Variants in RFX3 observed in about 807,000 individuals in gnomAD.
The protein encoded by RFX3 is regulatory factor X3.
A neutral mutation model predicts 98.6 loss-of-function variants in RFX3; 14 were observed. The observed-to-expected ratio is 0.14, with a 90% CI of 0.09 to 0.22. RFX3 has a LOEUF of 0.22. Among genes scored for constraint, RFX3 ranks in the 10% least tolerant of loss-of-function variants. The pLI is 1.00. For missense variants in RFX3, 639 were observed against 926.9 expected (o/e 0.69, Z 4.03); for synonymous variants, 383 against 328.4 (o/e 1.17, Z -1.80).
chr9:3,378,624 T>C (rs1838824556), intron 2 of RFX3, among the ~76,000 whole-genome samples: 1 of 150,588 alleles, frequency 6.6e-6, no homozygotes, highest in Non-Finnish European at 1.5e-5. Context: ...TGGTGCAATC[T>C]TGGCTCACTG....
intron 1 of RFX3, among the ~76,000 whole-genome samples, chr9:3,448,445 T>C (rs1846248887): frequency 6.6e-6 from 1 of 152,184 alleles, no homozygotes; most frequent in African/African-American, 2.4e-5. Flanking sequence ...TGTATCACCA[T>C]GAGTCCTCTG....
chr9:3,325,163 G>A (rs1831770467), intron 4 of RFX3, among the ~76,000 whole-genome samples: 1 of 152,034 alleles, frequency 6.6e-6, no homozygotes, highest in Non-Finnish European at 1.5e-5. Context: ...CATTGGTAAC[G>A]TAGCAGCAAA....
At chr9:3,309,906 G>C (rs1020445677) in intron 4 of RFX3, among the ~76,000 whole-genome samples, 2 of 152,174 alleles carry the variant, frequency 1.3e-5, no homozygotes, top group Non-Finnish European at 2.9e-5. Flanking sequence ...ATTTAGAGGA[G>C]ACGGAATGAT....
chr9:3,471,590 T>C (rs780479122), intron 1 of RFX3, among the ~76,000 whole-genome samples: 2 of 152,246 alleles, frequency 1.3e-5, no homozygotes, highest in Non-Finnish European at 2.9e-5. Flanking sequence ...ATGTGTGGCA[T>C]AATCACTTAT....
intron 1 of RFX3, among the ~76,000 whole-genome samples, chr9:3,441,122 A>C (rs1216219425): frequency 6.6e-6 from 1 of 152,208 alleles, no homozygotes; most frequent in Non-Finnish European, 1.5e-5. Context: ...AAGCTGCTTT[A>C]TATGTATACT....
chr9:3,396,914 G>C (rs146983728), intron 1 of RFX3, among the ~76,000 whole-genome samples: 1 of 152,120 alleles, frequency 6.6e-6, no homozygotes, highest in Admixed American at 6.5e-5. Flanking sequence ...ATATCCAAAA[G>C]CCAACTGATA....
chr9:3,339,889 T>C (rs913544105), intron 3 of RFX3, among the ~76,000 whole-genome samples: 1 of 152,006 alleles, frequency 6.6e-6, no homozygotes, highest in Non-Finnish European at 1.5e-5. Context: ...CTTCACAGAA[T>C]TGGAAAAAAC....
In RFX3 at chr9:3,239,433, C is replaced by T. The variant is rs1034943186; in HGVS notation, c.1968+8599G>A. On this transcript the variant is annotated intron_variant, in intron 15 of 16. Transcript: ENST00000617270. Reference sequence around the variant, plus strand: ...AATCCTGCCCGCAGTGGCTGTTGGTCTTGCTGTTGTGGGCTAGACAGCTAT... The same window carrying T: ...AATCCTGCCCGCAGTGGCTGTTGGTTTTGCTGTTGTGGGCTAGACAGCTAT... Among the ~76,000 whole-genome samples, 5 of 152,334 alleles carry T rather than the reference C, an allele frequency of 3.3e-5. No individual in the cohort carries two copies. The South Asian group carries it at 6.2e-4, about 19-fold the overall frequency.
At chr9:3,320,516 C>T (rs1337824696) in intron 4 of RFX3, among the ~76,000 whole-genome samples, 1 of 150,586 alleles carries the variant, frequency 6.6e-6, no homozygotes, top group African/African-American at 2.4e-5. Flanking sequence ...CAAACCACCG[C>T]GTTCCAGCCT....
At chr9:3,486,439 C>T (rs555318643) in intron 1 of RFX3, among the ~76,000 whole-genome samples, 1 of 152,240 alleles carries the variant, frequency 6.6e-6, no homozygotes, top group South Asian at 2.1e-4. Context: ...ATTTTAAGTT[C>T]TTTCCCCTCC....
At chr9:3,339,025 G>A (rs1833543673) in intron 3 of RFX3, among the ~76,000 whole-genome samples, 1 of 151,946 alleles carries the variant, frequency 6.6e-6, no homozygotes, top group African/African-American at 2.4e-5. Context: ...GAAGGCAGAG[G>A]TTGCAGTGAG....
chr9:3,293,278 T>A lies in RFX3; in HGVS notation c.550-20A>T, dbSNP rs751075914. ...CTGGAGCTAGGGAAATAAGACACAA[T>A]AAACACAGACAAATCACATAATTTG... On this transcript the variant is annotated intron_variant, in intron 5 of 16. Transcript: ENST00000617270. 6.4e-7 allele frequency: 1 copy of A among 1,562,076 alleles called. No homozygotes were observed.
At chr9:3,496,466 C>T (rs1295498615) in intron 1 of RFX3, among the ~76,000 whole-genome samples, 2 of 151,902 alleles carry the variant, frequency 1.3e-5, no homozygotes, top group African/African-American at 4.8e-5. Context: ...TTGTCTACTG[C>T]CATGTTACTA....
intron 1 of RFX3, among the ~76,000 whole-genome samples, chr9:3,444,343 TA>T (rs1845849845): frequency 6.6e-6 from 1 of 152,008 alleles, no homozygotes; most frequent in Non-Finnish European, 1.5e-5. Context: ...TTTATTATTA[TA>T]AAGTTCTGGA....
Position 3,358,113 on chromosome 9 carries a change from G to C in RFX3, c.118-11349C>G, listed in dbSNP as rs190294083. ...CTGATACTGGATATTAGGGTCGTCA[G>C]TTATTTCTTTAAGCAATGATTTCCT... On this transcript the variant is annotated intron_variant, in intron 2 of 16. Coordinates refer to ENST00000617270, the MANE Select transcript of RFX3 (RefSeq NM_001282116.2). Among the ~76,000 whole-genome samples, 164 of 152,150 alleles carry C rather than the reference G, an allele frequency of 1.1e-3. No individual in the cohort carries two copies. In the South Asian group the frequency reaches 0.014, roughly 13 times the overall value.
intron 1 of RFX3, among the ~76,000 whole-genome samples, chr9:3,415,024 A>G (rs1026944226): frequency 3.1e-4 from 42 of 135,572 alleles, no homozygotes; most frequent in Admixed American, 5.3e-4. Flanking sequence ...ATATATACTT[A>G]TATATTTACT....
At chr9:3,290,878 C>T (rs759692071) in intron 6 of RFX3, among the ~76,000 whole-genome samples, 42 of 152,132 alleles carry the variant, frequency 2.8e-4, no homozygotes, top group African/African-American at 7.2e-4. Flanking sequence ...TTTGAAGAAA[C>T]AACAGAAGCG....
Position 3,525,942 on chromosome 9 carries a change from GA to G in RFX3, c.-205del. 3.9e-6 allele frequency: 3 copies of G among 761,346 alleles called. No homozygotes were observed. Among genetic ancestry groups the G allele is most frequent in the African/African-American group, 4.3e-5 (2 of 46,124 alleles). The allele number at this position is 761,346 out of a possible 1,614,324, so 47.2% of individuals were successfully genotyped here. ...AACTCACAAAAGAGAGAGAGAGAGG[GA>G]GAGAGAGAGAGAGCGAGAGGGAGAG... On this transcript the variant is annotated 5_prime_UTR_variant, in exon 1 of 17. Coordinates refer to ENST00000617270, the MANE Select transcript of RFX3 (RefSeq NM_001282116.2).
intron 4 of RFX3, among the ~76,000 whole-genome samples, chr9:3,320,995 A>G (rs1053658708): frequency 3.1e-5 from 4 of 128,902 alleles, no homozygotes; most frequent in African/African-American, 4.5e-5. Context: ...TCCACCTCCT[A>G]GGTTCAAAGC....
Sources: gnomAD v4.1 joint callset for allele counts (sites outside exome capture counted in the v4.1 genomes callset) on GRCh38, gnomAD v4.1.1 for gene constraint, MANE v1.5 for transcripts, NCBI Gene and HGNC (gene_info 2026-07-23, HGNC 2026-07-21) for gene names.